LRMDA: variants seen among roughly 807,000 people sequenced by gnomAD.
LRMDA encodes leucine-rich melanocyte differentiation-associated protein.
A neutral mutation model predicts 29.8 loss-of-function variants in LRMDA; 18 were observed. That is an observed-to-expected ratio of 0.60 (90% CI 0.42 to 0.90). LRMDA has a LOEUF of 0.90. Among genes scored for constraint, LRMDA ranks in the 40% least tolerant of loss-of-function variants. The pLI is 0.00. For synonymous variants in LRMDA, 125 were observed against 109.4 expected, an observed-to-expected ratio of 1.14 and a Z score of -0.89; for missense variants, 273 against 273.9, an observed-to-expected ratio of 1.00 and a Z score of 0.02.
chr10:75,470,483 C>T (rs188737470), intron 2 of LRMDA, among the ~76,000 whole-genome samples: 28 of 152,260 alleles, frequency 1.8e-4, no homozygotes, highest in Admixed American at 1.0e-3. Flanking sequence ...GGAGACACAG[C>T]GAGACTCAGT....
chr10:75,736,424 AAC>A (rs986412859), intron 2 of LRMDA, among the ~76,000 whole-genome samples: 1 of 152,178 alleles, frequency 6.6e-6, no homozygotes, highest in African/African-American at 2.4e-5. Context: ...AAAATTATTA[AAC>A]ACACACAGCG....
At chr10:76,153,536 A>G (rs1197316097) in intron 5 of LRMDA, among the ~76,000 whole-genome samples, 2 of 152,136 alleles carry the variant, frequency 1.3e-5, no homozygotes, top group East Asian at 1.9e-4. Context: ...TTGCATGTGG[A>G]TATCCAGTTC....
At chr10:76,491,285 G>A (rs2132335483) in intron 6 of LRMDA, among the ~76,000 whole-genome samples, 1 of 152,018 alleles carries the variant, frequency 6.6e-6, no homozygotes, top group East Asian at 1.9e-4. Context: ...TATACCTTAA[G>A]ATGATATCTT....
At chr10:76,099,170 C>T (rs1274906772) in intron 5 of LRMDA, among the ~76,000 whole-genome samples, 2 of 152,120 alleles carry the variant, frequency 1.3e-5, no homozygotes, top group Non-Finnish European at 2.9e-5. Flanking sequence ...GCCATCTAGT[C>T]CCCAGGCAAG....
chr10:76,087,157 A>G (rs1213220975), intron 5 of LRMDA, among the ~76,000 whole-genome samples: 1 of 152,178 alleles, frequency 6.6e-6, no homozygotes, highest in Non-Finnish European at 1.5e-5. Context: ...AGTGCACCCC[A>G]GTGTCAGGTA....
At chr10:75,844,108 A>G (rs1441648940) in intron 2 of LRMDA, among the ~76,000 whole-genome samples, 1 of 152,174 alleles carries the variant, frequency 6.6e-6, no homozygotes, top group African/African-American at 2.4e-5. Flanking sequence ...TGAGATAACA[A>G]AATGAAAAAT....
At chr10:76,525,648 C>T (rs1023788831) in intron 6 of LRMDA, among the ~76,000 whole-genome samples, 4 of 152,014 alleles carry the variant, frequency 2.6e-5, no homozygotes, top group African/African-American at 4.8e-5. Flanking sequence ...TTTATAACTC[C>T]GGCTATTTTT....
At chr10:76,108,803 C>A (rs921315817) in intron 5 of LRMDA, among the ~76,000 whole-genome samples, 2 of 152,166 alleles carry the variant, frequency 1.3e-5, no homozygotes, top group Admixed American at 6.5e-5. Context: ...CAGCCTCTTG[C>A]TGCTAAATTT....
chr10:75,851,933 G>T (rs1202224944), intron 2 of LRMDA, among the ~76,000 whole-genome samples: 1 of 152,190 alleles, frequency 6.6e-6, no homozygotes, highest in African/African-American at 2.4e-5. Flanking sequence ...AACGAAGAAG[G>T]TCCCTTCGGT....
chr10:76,272,604 C>G (rs765535440), intron 5 of LRMDA, among the ~76,000 whole-genome samples: 22 of 152,146 alleles, frequency 1.4e-4, no homozygotes, highest in South Asian at 2.1e-4. Context: ...GTCAAGGAAC[C>G]CTTTGTCAGA....
At chr10:75,699,542 A>C (rs1222883977) in intron 2 of LRMDA, among the ~76,000 whole-genome samples, 1 of 152,366 alleles carries the variant, frequency 6.6e-6, no homozygotes, top group East Asian at 1.9e-4. Context: ...TAAAATTGCC[A>C]TACATTTTGG....
intron 6 of LRMDA, chr10:76,535,978 T>C (rs1235393029): frequency 2.0e-5 from 3 of 152,210 alleles, no homozygotes; most frequent in Non-Finnish European, 4.4e-5. Flanking sequence ...AGTTTCTTCA[T>C]GTTGGCCAGG....
At chr10:75,434,258 GGCCACTGGGT>G (rs2132018846) in intron 1 of LRMDA, among the ~76,000 whole-genome samples, 1 of 152,276 alleles carries the variant, frequency 6.6e-6, no homozygotes, top group South Asian at 2.1e-4. Flanking sequence ...TTAACAGAGT[GGCCACTGGGT>G]GCCAAGGACA....
At chr10:75,857,993 A>G (rs1338698587) in intron 2 of LRMDA, among the ~76,000 whole-genome samples, 6 of 152,248 alleles carry the variant, frequency 3.9e-5, no homozygotes, top group Non-Finnish European at 8.8e-5. Flanking sequence ...TAGAAAGAGA[A>G]AAAGGATTTA....
At chr10:75,987,859 G>A (rs1847287990) in intron 2 of LRMDA, among the ~76,000 whole-genome samples, 1 of 152,152 alleles carries the variant, frequency 6.6e-6, no homozygotes, top group Admixed American at 6.5e-5. Context: ...GAGGAATGCT[G>A]AGTCATAATT....
At chr10:76,124,328 G>T (rs1849840810) in intron 5 of LRMDA, among the ~76,000 whole-genome samples, 1 of 152,208 alleles carries the variant, frequency 6.6e-6, no homozygotes, top group Non-Finnish European at 1.5e-5. Flanking sequence ...CACCATCTGT[G>T]TCAGTGTTTT....
chr10:76,239,750 A>G (rs1313659034), intron 5 of LRMDA, among the ~76,000 whole-genome samples: 1 of 152,068 alleles, frequency 6.6e-6, no homozygotes, highest in Non-Finnish European at 1.5e-5. Context: ...TGTCAGATCA[A>G]TAACTTGTTT....
At chr10:76,309,472 A>G (rs1840602942) in intron 5 of LRMDA, among the ~76,000 whole-genome samples, 1 of 152,166 alleles carries the variant, frequency 6.6e-6, no homozygotes, top group Non-Finnish European at 1.5e-5. Context: ...CTTAGAGGAA[A>G]TTAGTGGGAG....
chr10:75,996,720 TTTTG>T (rs1182254243), intron 2 of LRMDA, among the ~76,000 whole-genome samples: 2 of 152,190 alleles, frequency 1.3e-5, no homozygotes, highest in Admixed American at 6.5e-5. Context: ...TACGTGTTTT[TTTTG>T]TTTGTTTGGT....
Sources: gnomAD v4.1 joint callset for allele counts (sites outside exome capture counted in the v4.1 genomes callset) on GRCh38, gnomAD v4.1.1 for gene constraint, MANE v1.5 for transcripts, NCBI Gene and HGNC (gene_info 2026-07-23, HGNC 2026-07-21) for gene names.